PLXND1: variants seen among roughly 807,000 people sequenced by gnomAD.
PLXND1 encodes plexin D1.
In PLXND1, 54 loss-of-function variants were observed where a neutral mutation model predicts 197.7. The ratio of observed to expected loss-of-function variants is 0.27; its 90% CI spans 0.22 to 0.34. PLXND1 has a LOEUF of 0.34. PLXND1 is among the 10% of genes least tolerant of loss of function. PLXND1 has a pLI of 1.00. For synonymous variants in PLXND1, 1,180 were observed against 1,161.2 expected (o/e 1.02, Z -0.33); for missense variants, 2,127 against 2,699.2 (o/e 0.79, Z 4.70).
intron 8 of PLXND1, among the ~76,000 whole-genome samples, chr3:129,583,203 G>A (rs1489156413): frequency 6.6e-6 from 1 of 152,182 alleles, no homozygotes; most frequent in African/African-American, 2.4e-5. Context: ...TGTTGAAATG[G>A]TCTTCCTACT....
intron 1 of PLXND1, among the ~76,000 whole-genome samples, chr3:129,604,402 CTGCTAG>C (rs2085754470): frequency 6.6e-6 from 1 of 152,258 alleles, no homozygotes; most frequent in Non-Finnish European, 1.5e-5. Context: ...AAATCCACCT[CTGCTAG>C]TGCCCAACTG....
Position 129,556,516 on chromosome 3 carries a change from G to A in PLXND1, c.5662-88C>T, listed in dbSNP as rs550487534. On this transcript the variant is annotated intron_variant, in intron 35 of 35. Coordinates refer to ENST00000324093, the MANE Select transcript of PLXND1 (RefSeq NM_015103.3). ...GAACACACCCCTGAACGTCTACCAC[G>A]AGTGACATCCGTCCATTAGGGGCAA... is the stretch of plus-strand genomic sequence containing the variant. The A allele has an allele frequency of 2.6e-4, 342 of 1,335,624 alleles. 1 individual carries two copies. The highest frequency in any genetic ancestry group is 1.5e-3 in the South Asian group (128 of 85,280). 82.7% of individuals were successfully genotyped at this position (1,335,624 alleles called of 1,614,324 possible). A position where few individuals can be genotyped will look rare whatever the true frequency, so the allele number is the denominator to read the frequency against.
intron 3 of PLXND1, 71 bp from the exon 4 acceptor site, chr3:129,586,343 C>T (rs2085461058): frequency 8.0e-7 from 1 of 1,252,754 alleles, no homozygotes; most frequent in Non-Finnish European, 1.1e-6. Context: ...GTACGGTCAG[C>T]ATGGTGCGGG....
Position 129,562,810 on chromosome 3 carries a change from G to A in PLXND1, c.4802C>T (p.Pro1601Leu), listed in dbSNP as rs549172886. The A allele has an allele frequency of 1.2e-6, 2 of 1,604,030 alleles. No individual in the cohort carries two copies. Among genetic ancestry groups the A allele is most frequent in the South Asian group, 1.1e-5 (1 of 90,820 alleles). ...FCKNVPYSQW[P>L]RAEDVDLEWF... Reference sequence around the variant, plus strand: ...ACCAAGGTCGACGTCCTCTGCACGCGGCCACTGGGAGTAGGGCACATTCTT... The same window carrying A: ...ACCAAGGTCGACGTCCTCTGCACGCAGCCACTGGGAGTAGGGCACATTCTT... Residue 1601 changes from proline (P) to leucine (L), a missense_variant, in exon 27 of 36, where the codon CCG (proline) becomes CTG (leucine). Around this residue, in one of 6 missense-constraint regions of PLXND1, gnomAD observed 532 missense variants for 811.0 expected, o/e 0.66. Transcript: ENST00000324093.
In PLXND1 at chr3:129,560,241, T is replaced by C. The variant is rs1261989880; in HGVS notation, c.5133+89A>G. The C allele has an allele frequency of 1.2e-5, 10 of 808,190 alleles. No homozygotes were observed. In the East Asian group the frequency reaches 1.8e-4, roughly 15 times the overall value. The allele number at this position is 808,190 out of a possible 1,614,324, so 50.1% of individuals were successfully genotyped here. A position where few individuals can be genotyped will look rare whatever the true frequency, so the allele number is the denominator to read the frequency against. On this transcript the variant is annotated intron_variant, in intron 31 of 35. Coordinates refer to ENST00000324093, the MANE Select transcript of PLXND1 (RefSeq NM_015103.3). ...CTCACACCCCTCTCCCAGCCGCGGG[T>C]GCACAGCTGGCCCTGAGCAATGACC...
At position 129,567,708 on chromosome 3, in the gene PLXND1, T is replaced by C; in HGVS notation, c.3963A>G (p.Glu1321=). 1 of 1,608,874 alleles carries C rather than the reference T, an allele frequency of 6.2e-7. No homozygotes were observed. The highest frequency in any genetic ancestry group is 8.5e-7 in the Non-Finnish European group (1 of 1,175,254). ...MEEMESQIRE[E]IRKGFAELQT... The stretch of plus-strand genomic sequence containing the variant: ...GTCCCCGCCCACTACCTTTGCGGAT[T>C]TCCTCTCGGATCTGAGATTCCATCT... The change falls in exon 21 of 36, where the codon GAA becomes GAG. Residue 1321 remains glutamate (E), a synonymous_variant. Transcript: ENST00000324093.
intron 28 of PLXND1, 27 bp downstream of exon 28, chr3:129,561,762 TGAGGGTGGGGA>T: frequency 1.0e-6 from 1 of 995,330 alleles, no homozygotes; most frequent in Non-Finnish European, 1.3e-6. Flanking sequence ...GGTGGGGGCA[TGAGGGTGGGGA>T]AATGGGGGCG....
chr3:129,600,678 A>G (rs2085694448), intron 1 of PLXND1, among the ~76,000 whole-genome samples: 1 of 151,446 alleles, frequency 6.6e-6, no homozygotes, highest in South Asian at 2.1e-4. Context: ...ATCCTCCTAG[A>G]ACCCCCTCTC....
chr3:129,575,794 T>G lies in PLXND1; in HGVS notation c.2408A>C (p.Glu803Ala). The G allele has an allele frequency of 2.5e-6, 4 of 1,613,456 alleles. No individual in the cohort carries two copies. Among genetic ancestry groups the G allele is most frequent in the Non-Finnish European group, 2.5e-6 (3 of 1,179,466 alleles). Residue 803 changes from glutamate (E) to alanine (A), a missense_variant, in exon 10 of 36, where the codon GAG becomes GCG. Physicochemically the swap from Glu to Ala is moderately radical, Grantham distance 107 (BLOSUM62 -1). This residue lies in a region of PLXND1 where 1,095 missense variants were observed against 1,259.8 expected (regional missense o/e 0.87). Coordinates refer to ENST00000324093, the MANE Select transcript of PLXND1 (RefSeq NM_015103.3). Reference protein sequence around the residue: ...EEIFEAVWVNESVVRCDQVVL... With the variant: ...EEIFEAVWVNASVVRCDQVVL... ...CACCTGGTCACAGCGTACAACAGAC[T>G]CATTCACCCACACAGCCTCGAAGAT...
At chr3:129,586,364 C>A in intron 3 of PLXND1, 92 bp from the exon 4 acceptor site, 1 of 1,103,528 alleles carries the variant, frequency 9.1e-7, no homozygotes, top group South Asian at 1.5e-5. Context: ...CCATGAGAGG[C>A]TGGGGAAACT....
In PLXND1 at chr3:129,606,391, C is replaced by G. The variant is rs910599090; in HGVS notation, c.249G>C (p.Ser83=). 4.0e-6 allele frequency: 6 copies of G among 1,513,466 alleles called. No homozygotes were observed. The highest frequency in any genetic ancestry group is 5.3e-6 in the Non-Finnish European group (6 of 1,139,156). 93.8% of individuals were successfully genotyped at this position (1,513,466 alleles called of 1,614,324 possible). Residue 83 remains serine, a synonymous_variant, in exon 1 of 36, where the codon TCG becomes TCC. Transcript: ENST00000324093. ...CGGCCTCCAGGCTCAGGTTGGCGCC[C>G]GACAGCTGATAGAGGCGGTTGACGG... is the stretch of plus-strand genomic sequence containing the variant. ...LAAVNRLYQL[S]GANLSLEAEA...
intron 1 of PLXND1, among the ~76,000 whole-genome samples, chr3:129,602,506 T>G (rs1255688446): frequency 6.6e-6 from 1 of 152,200 alleles, no homozygotes; most frequent in East Asian, 1.9e-4. Context: ...TATAAGGGCC[T>G]GGTCACACAT....
At chr3:129,571,013 G>C (rs773495230) in intron 18 of PLXND1, 27 bp downstream of exon 18, 4 of 1,612,820 alleles carry the variant, frequency 2.5e-6, no homozygotes, top group Non-Finnish European at 2.5e-6. Context: ...GCTTGCCCCC[G>C]CCTACCCCGG....
rs1191502128 is a variant in PLXND1 at position 129,567,689 on chromosome 3, G to A, written c.3973+9C>T. ...TGAGGCCCAGCCCTGCAGGGTCCCCGCCCACTACCTTTGCGGATTTCCTCT... is the reference window on the plus strand; with the variant it reads ...TGAGGCCCAGCCCTGCAGGGTCCCCACCCACTACCTTTGCGGATTTCCTCT... On this transcript the variant is annotated intron_variant, in intron 21 of 35. Coordinates refer to ENST00000324093, the MANE Select transcript of PLXND1 (RefSeq NM_015103.3). The A allele has an allele frequency of 7.5e-6, 12 of 1,591,874 alleles. No homozygotes were observed. Among genetic ancestry groups the A allele is most frequent in the South Asian group, 3.3e-5 (3 of 90,598 alleles).
chr3:129,565,297 C>T (rs750379595), intron 25 of PLXND1, 43 bp downstream of exon 25: 3 of 1,562,812 alleles, frequency 1.9e-6, no homozygotes, highest in East Asian at 4.5e-5. Flanking sequence ...GAGTCCCTGC[C>T]ACGTCCCCCG....
rs2085009520 is a variant in PLXND1 at position 129,558,642 on chromosome 3, G to A, written c.5298-67C>T. The stretch of plus-strand genomic sequence containing the variant: ...TAGGAAGCAGTCGAGGGACAGTTGT[G>A]GAGGAGAGAGCTGGCTTTGTCCCTC... On this transcript the variant is annotated intron_variant, in intron 32 of 35. Transcript: ENST00000324093. The surrounding 1 kb of genome is among the most constrained non-coding windows in gnomAD (Gnocchi z 4.1). The A allele has an allele frequency of 1.3e-6, 2 of 1,487,276 alleles. No homozygotes were observed. Among genetic ancestry groups the A allele is most frequent in the Admixed American group, 3.5e-5 (2 of 57,968 alleles). The allele number at this position is 1,487,276 out of a possible 1,614,324, so 92.1% of individuals were successfully genotyped here.
In PLXND1 at chr3:129,586,347, G is replaced by A. The variant is rs1400875219; in HGVS notation, c.1621-75C>T. ...TTGGGGAGGTGGTACGGTCAGCATG[G>A]TGCGGGCCATGAGAGGCTGGGGAAA... On this transcript the variant is annotated intron_variant, in intron 3 of 35. Coordinates refer to ENST00000324093, the MANE Select transcript of PLXND1 (RefSeq NM_015103.3). The A allele has an allele frequency of 7.3e-6, 9 of 1,226,972 alleles. No homozygotes were observed. The African/African-American group carries it at 1.2e-4, about 16-fold the overall frequency. The allele number at this position is 1,226,972 out of a possible 1,614,324, so 76.0% of individuals were successfully genotyped here.
rs1560065071 is a variant in PLXND1, at chr3:129,569,907, G to A, written c.3801C>T (p.Gly1267=). Residue 1267 remains glycine, a synonymous_variant, in exon 20 of 36, where the codon GGC becomes GGT. Coordinates refer to ENST00000324093, the MANE Select transcript of PLXND1 (RefSeq NM_015103.3). The stretch of plus-strand genomic sequence containing the variant: ...TGGACACGATGATGGCCGTCTCGCT[G>A]CCCCCCAGCTGCAGTGTGGCGATGG... ...NQTIATLQLG[G]SETAIIVSIV... is the part of the protein sequence containing the mutation. 6.2e-7 allele frequency: 1 copy of A among 1,613,400 alleles called. No homozygotes were observed. Among genetic ancestry groups the A allele is most frequent in the South Asian group, 1.1e-5 (1 of 91,060 alleles).
intron 5 of PLXND1, 53 bp downstream of exon 5, chr3:129,585,899 G>T: frequency 1.2e-6 from 2 of 1,609,142 alleles, no homozygotes; most frequent in Non-Finnish European, 1.7e-6. Context: ...GGTGCTGGGT[G>T]AAGGGAGGCT....
Sources: allele counts gnomAD v4.1 joint callset (sites outside exome capture counted in the v4.1 genomes callset), GRCh38; gene constraint gnomAD v4.1.1; regional missense constraint gnomAD v4.1.1; non-coding constraint Gnocchi (gnomAD v3.1); transcripts MANE v1.5; gene names NCBI Gene and HGNC (gene_info 2026-07-23, HGNC 2026-07-21).